The following HPCAL1 variants were observed in gnomAD, a reference collection of about 807,000 sequenced individuals.
The protein encoded by HPCAL1 is hippocalcin-like protein 1.
A neutral mutation model predicts 17.1 loss-of-function variants in HPCAL1; 8 were observed. The observed-to-expected ratio is 0.47, with a 90% CI of 0.27 to 0.84. The LOEUF (loss-of-function observed/expected upper bound fraction) is 0.84. Among genes scored for constraint, HPCAL1 ranks in the 40% least tolerant of loss-of-function variants. The probability of loss-of-function intolerance (pLI) is 0.13; values close to 1 mark genes in which losing one functional copy is unlikely to be tolerated. For synonymous variants in HPCAL1, 112 were observed against 111.4 expected, an observed-to-expected ratio of 1.01 and a Z score of -0.03; for missense variants, 165 against 271.1, an observed-to-expected ratio of 0.61 and a Z score of 2.75.
intron 1 of HPCAL1, among the ~76,000 whole-genome samples, chr2:10,305,080 T>C (rs540227982): frequency 6.6e-6 from 1 of 152,254 alleles, no homozygotes; most frequent in South Asian, 2.1e-4. Flanking sequence ...GATGAACTCA[T>C]TTTCTCATTT....
intron 3 of HPCAL1, among the ~76,000 whole-genome samples, 200 bp from the exon 4 acceptor site, chr2:10,422,783 G>C (rs1671144278): frequency 6.6e-6 from 1 of 152,204 alleles, no homozygotes; most frequent in Admixed American, 6.5e-5. Context: ...GAACCCTTCT[G>C]CCAGCTCTGC....
intron 1 of HPCAL1, among the ~76,000 whole-genome samples, chr2:10,325,048 G>T (rs1023200828): frequency 4.0e-5 from 6 of 151,532 alleles, no homozygotes; most frequent in African/African-American, 1.5e-4. Context: ...GGCCAGGCTG[G>T]TGTTGAACTC....
chr2:10,333,379 C>T (rs1664508654), intron 1 of HPCAL1, among the ~76,000 whole-genome samples: 1 of 152,130 alleles, frequency 6.6e-6, no homozygotes, highest in Non-Finnish European at 1.5e-5. Flanking sequence ...TCACAACTTC[C>T]TCCTTTCAGC....
intron 1 of HPCAL1, among the ~76,000 whole-genome samples, chr2:10,316,036 G>A (rs1243091012): frequency 6.6e-6 from 1 of 152,182 alleles, no homozygotes; most frequent in Non-Finnish European, 1.5e-5. Context: ...AGTCTTCCAG[G>A]AAATTTACCG....
chr2:10,329,951 C>G (rs979534545), intron 1 of HPCAL1, among the ~76,000 whole-genome samples: 3 of 152,226 alleles, frequency 2.0e-5, no homozygotes, highest in Non-Finnish European at 2.9e-5. Flanking sequence ...CCATATCGAG[C>G]AGGGTAAGTT....
chr2:10,409,622 C>G (rs1444849272), intron 2 of HPCAL1, among the ~76,000 whole-genome samples: 2 of 152,058 alleles, frequency 1.3e-5, no homozygotes, highest in Admixed American at 1.3e-4. Context: ...AGAAAGAGCA[C>G]AAACCTGTTT....
intron 1 of HPCAL1, among the ~76,000 whole-genome samples, chr2:10,336,082 A>G (rs1251211585): frequency 6.8e-6 from 1 of 146,266 alleles, no homozygotes; most frequent in African/African-American, 2.6e-5. Flanking sequence ...TCTGCTGTAA[A>G]TTAATTGCAT....
chr2:10,397,640 C>A (rs1233541469), intron 2 of HPCAL1, among the ~76,000 whole-genome samples: 2 of 152,194 alleles, frequency 1.3e-5, no homozygotes, highest in Non-Finnish European at 2.9e-5. Flanking sequence ...GGCTTAGGGG[C>A]TTTTTCCATC....
Position 10,362,580 on chromosome 2 carries a change from A to AAC in HPCAL1, c.-110-34254_-110-34253insCA, listed in dbSNP as rs763636837. Among the ~76,000 whole-genome samples the AAC allele has an allele frequency of 1.3e-5, 2 of 152,214 alleles. No homozygotes were observed. Among genetic ancestry groups the AAC allele is most frequent in the Non-Finnish European group, 2.9e-5 (2 of 68,032 alleles). On this transcript the variant is annotated intron_variant, in intron 1 of 4. Transcript: ENST00000307845. This position sits in a 1 kb window ranked among gnomAD's most constrained non-coding sequence, Gnocchi z 5.0. ...GAAGGCCTCCACGGTGTTCTGTTGT[A>AAC]ATGTTCTGCCACTTGGCAGCCTCAC...
rs186023649 is a variant in HPCAL1 at position 10,331,317 on chromosome 2, C to T, written c.-111+28140C>T. On this transcript the variant is annotated intron_variant, in intron 1 of 4. Transcript: ENST00000307845. This position sits in a 1 kb window ranked among gnomAD's most constrained non-coding sequence, Gnocchi z 5.0. Reference sequence around the variant, plus strand: ...GGCGCCCTTCCTGTCACCCGAGCGCCCTCTCCTTCCTCACCTCGCCACCTA... The same window carrying T: ...GGCGCCCTTCCTGTCACCCGAGCGCTCTCTCCTTCCTCACCTCGCCACCTA... Among the ~76,000 whole-genome samples the T allele has an allele frequency of 2.0e-5, 3 of 152,262 alleles. No individual in the cohort carries two copies. The highest frequency in any genetic ancestry group is 7.2e-5 in the African/African-American group (3 of 41,556).
chr2:10,317,417 ATTTT>A (rs33931208), intron 1 of HPCAL1, among the ~76,000 whole-genome samples: 2 of 131,500 alleles, frequency 1.5e-5, no homozygotes, highest in Non-Finnish European at 3.3e-5. Context: ...TAATTCAACA[ATTTT>A]TTTTTTTTTT....
intron 1 of HPCAL1, among the ~76,000 whole-genome samples, chr2:10,391,731 C>T (rs1334476387): frequency 1.3e-5 from 2 of 152,130 alleles, no homozygotes; most frequent in Admixed American, 6.6e-5. Flanking sequence ...TGTCTGGCAT[C>T]TTTCATTATA....
At chr2:10,420,520 G>A (rs1261471747) in intron 3 of HPCAL1, among the ~76,000 whole-genome samples, 3 of 151,808 alleles carry the variant, frequency 2.0e-5, no homozygotes, top group Non-Finnish European at 4.4e-5. Flanking sequence ...ATGTTCACTC[G>A]ACATTGGGTC....
intron 1 of HPCAL1, among the ~76,000 whole-genome samples, chr2:10,375,807 C>T (rs1358306655): frequency 3.3e-5 from 5 of 152,188 alleles, no homozygotes; most frequent in Non-Finnish European, 5.9e-5. Context: ...GGCTCCCTTA[C>T]GGCCCGAAGG....
rs146928632 is a variant in HPCAL1 at position 10,319,969 on chromosome 2, A to G, written c.-111+16792A>G. On this transcript the variant is annotated intron_variant, in intron 1 of 4. Transcript: ENST00000307845. Reference sequence around the variant, plus strand: ...TGCCCATCTTCTTCTTGGCGCAGTCATTTGAGGAGAGGAGCATTTGCTTCT... The same window carrying G: ...TGCCCATCTTCTTCTTGGCGCAGTCGTTTGAGGAGAGGAGCATTTGCTTCT... 2.7e-3 allele frequency among the ~76,000 whole-genome samples: 417 copies of G among 152,068 alleles called. 4 individuals carry two copies. Among genetic ancestry groups the G allele is most frequent in the Non-Finnish European group, 4.4e-3 (300 of 67,988 alleles).
intron 2 of HPCAL1, among the ~76,000 whole-genome samples, chr2:10,403,503 T>TGA (rs1488725175): frequency 1.4e-5 from 2 of 143,712 alleles, no homozygotes; most frequent in African/African-American, 5.0e-5. Flanking sequence ...TGTGTGTGTG[T>TGA]GACGGAGTCT....
intron 1 of HPCAL1, among the ~76,000 whole-genome samples, chr2:10,350,861 C>T (rs1284057542): frequency 1.3e-5 from 2 of 152,110 alleles, no homozygotes; most frequent in Non-Finnish European, 2.9e-5. Flanking sequence ...GGGAAATGCA[C>T]ATGAAAACAA....
At chr2:10,380,101 G>T (rs534288330) in intron 1 of HPCAL1, among the ~76,000 whole-genome samples, 1 of 152,348 alleles carries the variant, frequency 6.6e-6, no homozygotes, top group African/African-American at 2.4e-5. Context: ...GCGTCTCAGA[G>T]CTGCAGACTG....
At chr2:10,320,821 C>G (rs1663627637) in intron 1 of HPCAL1, among the ~76,000 whole-genome samples, 1 of 152,236 alleles carries the variant, frequency 6.6e-6, no homozygotes, top group Non-Finnish European at 1.5e-5. Context: ...ATGATCTAGG[C>G]AGAAGACCTG....
Sources: allele counts gnomAD v4.1 joint callset (sites outside exome capture counted in the v4.1 genomes callset), GRCh38; gene constraint gnomAD v4.1.1; non-coding constraint Gnocchi (gnomAD v3.1); transcripts MANE v1.5; gene names NCBI Gene and HGNC (gene_info 2026-07-23, HGNC 2026-07-21).